The following STKLD1 variants were observed in gnomAD, a reference collection of about 807,000 sequenced individuals.
STKLD1 encodes the protein serine/threonine kinase-like domain-containing protein STKLD1.
Under a neutral mutation model 80.4 loss-of-function variants are expected in STKLD1, and 79 were observed. That is an observed-to-expected ratio of 0.98 (90% CI 0.82 to 1.19). The LOEUF is 1.19. STKLD1 is among the 50% of genes most tolerant of loss of function. STKLD1 has a pLI of 0.00. For missense variants in STKLD1, 841 were observed against 856.0 expected, an observed-to-expected ratio of 0.98 and a Z score of 0.22; for synonymous variants, 393 against 357.6, an observed-to-expected ratio of 1.10 and a Z score of -1.12.
chr9:133,387,858 C>T (rs2130281083), intron 5 of STKLD1: 7 of 508,830 alleles, frequency 1.4e-5, no homozygotes, highest in East Asian at 5.3e-5. Context: ...TGGACTCGTC[C>T]GGCATGCTGC....
At chr9:133,383,289 ATGAT>A (rs1838186321) in intron 2 of STKLD1, among the ~76,000 whole-genome samples, 11 of 52,956 alleles carry the variant, frequency 2.1e-4, no homozygotes, top group Non-Finnish European at 2.2e-4. Context: ...TGGTGGTGTG[ATGAT>A]GTGATGGTGG....
Position 133,384,095 on chromosome 9 carries a change from C to T in STKLD1, c.219+195C>T, listed in dbSNP as rs2130272121. On this transcript the variant is annotated intron_variant, in intron 3 of 17. Coordinates refer to ENST00000371957, the MANE Select transcript of STKLD1 (RefSeq NM_153710.5). The surrounding 1 kb of genome is among the most constrained non-coding windows in gnomAD (Gnocchi z 4.3). Reference sequence around the variant, plus strand: ...GAGTCCATGCCCCAAACACTCACTGCTAAATGCAGGTGCCGACAACTTAGA... The same window carrying T: ...GAGTCCATGCCCCAAACACTCACTGTTAAATGCAGGTGCCGACAACTTAGA... 6.8e-6 allele frequency: 4 copies of T among 590,930 alleles called. No homozygotes were observed. The highest frequency in any genetic ancestry group is 1.2e-5 in the Non-Finnish European group (4 of 331,736). The allele number at this position is 590,930 out of a possible 1,614,324, so 36.6% of individuals were successfully genotyped here.
chr9:133,383,512 T>G (rs1838199812), intron 2 of STKLD1, among the ~76,000 whole-genome samples: 1 of 101,292 alleles, frequency 9.9e-6, no homozygotes, highest in African/African-American at 3.1e-5. Flanking sequence ...ATGGTGATGA[T>G]GGTGATGATG....
Position 133,390,623 on chromosome 9 carries a change from T to G in STKLD1, c.468-58T>G, listed in dbSNP as rs917201267. ...CACTGGTCCCACCTGGGGTTGTGGG[T>G]GGTGGCTGCCCAGGTGGCCCCTTGG... On this transcript the variant is annotated intron_variant, in intron 6 of 17. Transcript: ENST00000371957. The surrounding 1 kb of genome is among the most constrained non-coding windows in gnomAD (Gnocchi z 5.1). The G allele has an allele frequency of 1.1e-5, 15 of 1,313,652 alleles. No individual in the cohort carries two copies. In the Admixed American group the frequency reaches 2.5e-4, roughly 22 times the overall value. 81.4% of individuals were successfully genotyped at this position (1,313,652 alleles called of 1,614,324 possible). A position where few individuals can be genotyped will look rare whatever the true frequency, so the allele number is the denominator to read the frequency against.
Position 133,394,510 on chromosome 9 carries a change from C to A in STKLD1, c.702+101C>A. ...ACCCTGCCTCCCCTCTGCATCCCTT[C>A]CCCTGGCTCTCTGCAGGCTGCACAG... is the stretch of plus-strand genomic sequence containing the variant. On this transcript the variant is annotated intron_variant, in intron 8 of 17. Transcript: ENST00000371957. This position sits in a 1 kb window ranked among gnomAD's most constrained non-coding sequence, Gnocchi z 4.9. 1 of 854,494 alleles carries A rather than the reference C, an allele frequency of 1.2e-6. No homozygotes were observed. The highest frequency in any genetic ancestry group is 2.0e-6 in the Non-Finnish European group (1 of 505,142). 52.9% of individuals were successfully genotyped at this position (854,494 alleles called of 1,614,324 possible). A position where few individuals can be genotyped will look rare whatever the true frequency, so the allele number is the denominator to read the frequency against.
chr9:133,376,539 A>G lies in STKLD1; in HGVS notation c.66A>G (p.Gly22=). ...TQGERGPGSP[G]EPMEKYQVLY... ...GGGAGCGAGGCCCAGGGTCCCCCGG[A>G]GAGCCCATGGAGAAGTACCAGGTGC... is the stretch of plus-strand genomic sequence containing the variant. The change falls in exon 1 of 18, where the codon GGA becomes GGG. Residue 22 remains glycine (G), a synonymous_variant. Coordinates refer to ENST00000371957, the MANE Select transcript of STKLD1 (RefSeq NM_153710.5). The G allele has an allele frequency of 8.7e-6, 14 of 1,600,124 alleles. No homozygotes were observed. The highest frequency in any genetic ancestry group is 1.2e-5 in the Non-Finnish European group (14 of 1,175,126).
At chr9:133,401,565 A>C (rs1285653329) in intron 12 of STKLD1, among the ~76,000 whole-genome samples, 173 bp from the exon 13 acceptor site, 1 of 152,006 alleles carries the variant, frequency 6.6e-6, no homozygotes, top group African/African-American at 2.4e-5. Context: ...CCGGTCCTTC[A>C]CTCCATTAGG....
chr9:133,391,155 G>A (rs1044179060), intron 7 of STKLD1, among the ~76,000 whole-genome samples: 1 of 149,578 alleles, frequency 6.7e-6, no homozygotes, highest in Non-Finnish European at 1.5e-5. Flanking sequence ...TCAGCCCCCC[G>A]CCCGGCCAGC....
chr9:133,379,803 G>T (rs1838091427), intron 2 of STKLD1, among the ~76,000 whole-genome samples: 1 of 152,206 alleles, frequency 6.6e-6, no homozygotes, highest in South Asian at 2.1e-4. Context: ...TCCTCTCTGT[G>T]GTGGTGGCAG....
At chr9:133,376,674 T>G in intron 1 of STKLD1, 114 bp downstream of exon 1, 2 of 907,836 alleles carry the variant, frequency 2.2e-6, no homozygotes, top group Non-Finnish European at 1.6e-6. Context: ...CCCTGGCCAG[T>G]GTCGGCCTGC....
chr9:133,382,860 G>T (rs990880650), intron 2 of STKLD1, among the ~76,000 whole-genome samples: 3 of 147,328 alleles, frequency 2.0e-5, no homozygotes, highest in African/African-American at 7.5e-5. Context: ...TGATGATGGT[G>T]GTGGTGTGAT....
intron 11 of STKLD1, among the ~76,000 whole-genome samples, chr9:133,400,126 G>C (rs1397563356): frequency 2.0e-5 from 3 of 152,184 alleles, no homozygotes; most frequent in Admixed American, 2.0e-4. Flanking sequence ...TCAAACTGCT[G>C]AAGAGCAGGT....
rs1838226689 is a variant in STKLD1, at chr9:133,384,709, A to G, written c.219+809A>G. The G allele has an allele frequency of 1.3e-5, 2 of 151,966 alleles. No individual in the cohort carries two copies. The highest frequency in any genetic ancestry group is 2.9e-5 in the Non-Finnish European group (2 of 68,000). The allele number at this position is 151,966 out of a possible 1,614,324, so 9.4% of individuals were successfully genotyped here. On this transcript the variant is annotated intron_variant, in intron 3 of 17. Coordinates refer to ENST00000371957, the MANE Select transcript of STKLD1 (RefSeq NM_153710.5). The surrounding 1 kb of genome is among the most constrained non-coding windows in gnomAD (Gnocchi z 4.3). ...GGTACAGGCATGTACCACCACACCC[A>G]TACCAGAACTGTTTAACAAAACAAA...
chr9:133,402,808 A>G, intron 13 of STKLD1, 70 bp from the exon 14 acceptor site: 1 of 1,534,198 alleles, frequency 6.5e-7, no homozygotes, highest in Non-Finnish European at 8.8e-7. Context: ...TGCAGTGCCC[A>G]AGGACAACAG....
chr9:133,404,550 T>C (rs984908737), intron 16 of STKLD1, among the ~76,000 whole-genome samples: 2 of 152,034 alleles, frequency 1.3e-5, no homozygotes, highest in Non-Finnish European at 2.9e-5. Context: ...TACCTAATCT[T>C]CCCCAGAGTG....
In STKLD1 at chr9:133,390,191, TAAAACACACACACACAC is replaced by T. The variant is rs1838353776; in HGVS notation, c.468-488_468-472del. On this transcript the variant is annotated intron_variant, in intron 6 of 17. Transcript: ENST00000371957. The surrounding 1 kb of genome is among the most constrained non-coding windows in gnomAD (Gnocchi z 5.1). ...CACTTCAGCCTGGGCAACCCTGACTTAAAACACACACACACACACACACACACACACACACACACACA... is the reference window on the plus strand; with the variant it reads ...CACTTCAGCCTGGGCAACCCTGACTTACACACACACACACACACACACACA... 8.2e-6 allele frequency among the ~76,000 whole-genome samples: 1 copy of T among 122,058 alleles called. No homozygotes were observed. The highest frequency in any genetic ancestry group is 1.6e-5 in the Non-Finnish European group (1 of 61,238). 80.1% of individuals were successfully genotyped at this position (122,058 alleles called of 152,430 possible).
rs587711650 is a variant in STKLD1 at position 133,399,974 on chromosome 9, G to C, written c.1082-439G>C. The stretch of plus-strand genomic sequence containing the variant: ...TGCTCTCATGAGCCTAGAGTGGAGG[G>C]ATGGCTGCCTGGCCACTGCCCCTCA... On this transcript the variant is annotated intron_variant, in intron 11 of 17. Transcript: ENST00000371957. 1.4e-3 allele frequency among the ~76,000 whole-genome samples: 207 copies of C among 152,144 alleles called. 1 individual carries two copies. Among genetic ancestry groups the C allele is most frequent in the African/African-American group, 4.9e-3 (204 of 41,526 alleles).
Position 133,404,054 on chromosome 9 carries a change from C to T in STKLD1, c.1732+6C>T. 6.3e-7 allele frequency: 1 copy of T among 1,591,486 alleles called. No individual in the cohort carries two copies. The highest frequency in any genetic ancestry group is 1.9e-4 in the Middle Eastern group (1 of 5,162). Reference sequence around the variant, plus strand: ...CAGCCTGGTGAAGGTGTCAGGTGAGCCTGGGGACAGGACGAGGCTGCCACC... The same window carrying T: ...CAGCCTGGTGAAGGTGTCAGGTGAGTCTGGGGACAGGACGAGGCTGCCACC... On this transcript the variant is annotated splice_donor_region_variant and intron_variant, in intron 16 of 17. Transcript: ENST00000371957.
chr9:133,403,029 C>T lies in STKLD1; in HGVS notation c.1474+17C>T, dbSNP rs1838749541. The stretch of plus-strand genomic sequence containing the variant: ...TGCTGGACGGTGAGGGGCCCTCCTC[C>T]TGCTGTCCCACCGGGGCTGGCAGCC... On this transcript the variant is annotated intron_variant, in intron 14 of 17. Transcript: ENST00000371957. 1 of 1,554,092 alleles carries T rather than the reference C, an allele frequency of 6.4e-7. No individual in the cohort carries two copies. Among genetic ancestry groups the T allele is most frequent in the African/African-American group, 1.4e-5 (1 of 73,580 alleles).
Sources: allele counts gnomAD v4.1 joint callset (sites outside exome capture counted in the v4.1 genomes callset), GRCh38; gene constraint gnomAD v4.1.1; non-coding constraint Gnocchi (gnomAD v3.1); transcripts MANE v1.5; gene names NCBI Gene and HGNC (gene_info 2026-07-23, HGNC 2026-07-21).